The following ADRA1B variants were observed in gnomAD, a reference collection of about 807,000 sequenced individuals.
ADRA1B encodes adrenoceptor alpha 1B, also known as alpha-1B adrenergic receptor.
Under a neutral mutation model 17.9 loss-of-function variants are expected in ADRA1B, and 17 were observed. That is an observed-to-expected ratio of 0.95 (90% CI 0.65 to 1.42). The LOEUF (loss-of-function observed/expected upper bound fraction) is 1.42, where lower values mean the gene tolerates loss of function less well. Among genes scored for constraint, ADRA1B ranks in the 40% most tolerant of loss-of-function variants. ADRA1B has a pLI of 0.00. For missense variants in ADRA1B, 681 were observed against 722.1 expected (o/e 0.94, Z 0.65); for synonymous variants, 366 against 327.6 (o/e 1.12, Z -1.27).
chr5:159,920,319 G>A (rs564488185), intron 1 of ADRA1B, among the ~76,000 whole-genome samples: 1 of 152,192 alleles, frequency 6.6e-6, no homozygotes, highest in Non-Finnish European at 1.5e-5. Context: ...TTCTCTCTGG[G>A]TCTTGCTCTT....
chr5:159,961,612 G>T (rs1252928554), intron 1 of ADRA1B, among the ~76,000 whole-genome samples: 2 of 152,198 alleles, frequency 1.3e-5, no homozygotes, highest in East Asian at 1.9e-4. Flanking sequence ...GATGTGGTTT[G>T]CCTGACGGTG....
At chr5:159,978,936 A>G in the ADRA1B span, among the ~76,000 whole-genome samples, 3 of 152,208 alleles carry the variant, frequency 2.0e-5, no homozygotes, top group Admixed American at 6.5e-5. Context: ...TCTACAAGCT[A>G]TTCTTAAACA....
chr5:159,985,757 T>A, the ADRA1B span, among the ~76,000 whole-genome samples: 33 of 152,352 alleles, frequency 2.2e-4, 2 homozygotes, highest in South Asian at 6.2e-3. Context: ...TCTGGATCAC[T>A]GAGAGGCCAA....
intron 1 of ADRA1B, among the ~76,000 whole-genome samples, chr5:159,965,543 C>A (rs1755759578): frequency 6.6e-6 from 1 of 152,238 alleles, no homozygotes; most frequent in Non-Finnish European, 1.5e-5. Flanking sequence ...TGCCACACAT[C>A]CTCTTACATG....
At chr5:159,896,826 A>G (rs1754045529) in intron 1 of ADRA1B, among the ~76,000 whole-genome samples, 2 of 152,218 alleles carry the variant, frequency 1.3e-5, no homozygotes. Flanking sequence ...TCACCAAGTC[A>G]AAAAGATGCA....
At chr5:159,910,260 T>C (rs1056599770) in intron 1 of ADRA1B, among the ~76,000 whole-genome samples, 3 of 152,132 alleles carry the variant, frequency 2.0e-5, no homozygotes, top group Admixed American at 6.5e-5. Context: ...ATAGAAAGCA[T>C]TATCCTCTGG....
At chr5:159,948,275 T>G (rs1305468996) in intron 1 of ADRA1B, 1 of 985,326 alleles carries the variant, frequency 1.0e-6, no homozygotes, top group East Asian at 1.1e-4. Context: ...AGCTGGACCT[T>G]TTCACACATG....
At chr5:159,944,882 A>C (rs373636498) in intron 1 of ADRA1B, among the ~76,000 whole-genome samples, 12 of 152,266 alleles carry the variant, frequency 7.9e-5, no homozygotes, top group South Asian at 4.2e-4. Flanking sequence ...AAACAGGCAA[A>C]GCCACTGCCT....
Position 159,917,230 on chromosome 5 carries a change from G to C in ADRA1B, c.325G>C (p.Gly109Arg). 1 of 1,614,100 alleles carries C rather than the reference G, an allele frequency of 6.2e-7. No individual in the cohort carries two copies. Among genetic ancestry groups the C allele is most frequent in the Non-Finnish European group, 8.5e-7 (1 of 1,180,030 alleles). ...LPFSAALEVLGYWVLGRIFCD... is the reference protein window; with the variant it reads ...LPFSAALEVLRYWVLGRIFCD... ...CTTCTCAGCGGCCCTAGAGGTGCTC[G>C]GCTACTGGGTGCTGGGGCGGATCTT... The change falls in exon 1 of 2, where the codon GGC becomes CGC. Residue 109 changes from glycine to arginine, a missense_variant. Around this residue, in one of 3 missense-constraint regions of ADRA1B, gnomAD observed 424 missense variants for 480.2 expected, o/e 0.88. Coordinates refer to ENST00000306675, the MANE Select transcript of ADRA1B (RefSeq NM_000679.4).
At chr5:159,884,602 G>A (rs1753903521) in intron 1 of ADRA1B, among the ~76,000 whole-genome samples, 1 of 152,162 alleles carries the variant, frequency 6.6e-6, no homozygotes, top group African/African-American at 2.4e-5. Flanking sequence ...CCCAGTCTGT[G>A]ATATTCTGTT....
chr5:159,979,000 G>A, the ADRA1B span, among the ~76,000 whole-genome samples: 3 of 152,170 alleles, frequency 2.0e-5, no homozygotes, highest in African/African-American at 7.2e-5. Flanking sequence ...TTGCTCTCAT[G>A]AAAATTTCAT....
At chr5:159,950,553 G>A (rs35591745) in intron 1 of ADRA1B, 207,100 of 1,455,706 alleles carry the variant, frequency 0.14, 16,484 homozygotes, top group East Asian at 0.33. Flanking sequence ...AGCCAAATTC[G>A]TTGTCATACC....
chr5:159,926,805 T>C (rs1754666539), intron 1 of ADRA1B, among the ~76,000 whole-genome samples: 1 of 152,126 alleles, frequency 6.6e-6, no homozygotes, highest in East Asian at 1.9e-4. Flanking sequence ...GAGAATCACT[T>C]GAACCTGGGA....
At chr5:159,961,257 A>G (rs1406931159) in intron 1 of ADRA1B, among the ~76,000 whole-genome samples, 1 of 152,228 alleles carries the variant, frequency 6.6e-6, no homozygotes, top group Admixed American at 6.5e-5. Flanking sequence ...AAAATGAAAT[A>G]CATAGTAGCA....
At chr5:159,884,071 G>A (rs1753896204) in intron 1 of ADRA1B, among the ~76,000 whole-genome samples, 1 of 152,198 alleles carries the variant, frequency 6.6e-6, no homozygotes, top group African/African-American at 2.4e-5. Flanking sequence ...GTCTCCACAA[G>A]CAGCCTTTGT....
At chr5:159,959,276 A>G (rs1351863616) in intron 1 of ADRA1B, among the ~76,000 whole-genome samples, 1 of 152,236 alleles carries the variant, frequency 6.6e-6, no homozygotes, top group Non-Finnish European at 1.5e-5. Flanking sequence ...CATGAATGTC[A>G]TTTAGGTAAG....
chr5:159,868,582 G>A (rs1191733695), intron 1 of ADRA1B: 16 of 152,214 alleles, frequency 1.1e-4, no homozygotes, highest in Admixed American at 1.0e-3. Context: ...GCTATATTCA[G>A]AAACGATTTG....
At chr5:159,887,568 G>A (rs1017891669) in intron 1 of ADRA1B, among the ~76,000 whole-genome samples, 1 of 152,188 alleles carries the variant, frequency 6.6e-6, no homozygotes, top group Admixed American at 6.5e-5. Flanking sequence ...TAAGCACCCA[G>A]ACTTCTAAAT....
chr5:159,881,082 G>T (rs1469415317), intron 1 of ADRA1B, among the ~76,000 whole-genome samples: 1 of 150,514 alleles, frequency 6.6e-6, no homozygotes, highest in Non-Finnish European at 1.5e-5. Flanking sequence ...GCTGAGGCAG[G>T]AGAATGGCGT....
Sources: gnomAD v4.1 joint callset for allele counts (sites outside exome capture counted in the v4.1 genomes callset) on GRCh38, gnomAD v4.1.1 for gene constraint, gnomAD v4.1.1 regional missense constraint, MANE v1.5 for transcripts, NCBI Gene and HGNC (gene_info 2026-07-23, HGNC 2026-07-21) for gene names.